RPS6KA3: variants seen among roughly 807,000 people sequenced by gnomAD.
RPS6KA3 encodes ribosomal protein S6 kinase A3, also known as ribosomal protein S6 kinase alpha-3.
A neutral mutation model predicts 67.2 loss-of-function variants in RPS6KA3; 4 were observed. That is an observed-to-expected ratio of 0.06 (90% CI 0.03 to 0.14). The LOEUF is 0.14. Ranked by LOEUF, RPS6KA3 falls within the 10% of genes least tolerant of loss-of-function variation. RPS6KA3 has a pLI of 1.00. For synonymous variants in RPS6KA3, 182 were observed against 183.7 expected, an observed-to-expected ratio of 0.99 and a Z score of 0.07; for missense variants, 204 against 559.0, an observed-to-expected ratio of 0.36 and a Z score of 6.40.
intron 1 of RPS6KA3, among the ~76,000 whole-genome samples, chrX:20,237,345 A>AC (rs2069438105): frequency 9.0e-6 from 1 of 111,707 alleles, no homozygotes; most frequent in Non-Finnish European, 1.9e-5. Flanking sequence ...TAGAACCCTC[A>AC]GTCTAACTTG....
At position 20,217,139 on chromosome X, in the gene RPS6KA3, A is replaced by G. The variant is rs183066433; in HGVS notation, c.127-7735T>C. On this transcript the variant is annotated intron_variant, in intron 2 of 21. Transcript: ENST00000379565. ...GAAGAGAAAATTTATGGGCAGGTGG[A>G]TCTTTTGGTGTCCCTCAGTCACACA... 6.3e-5 allele frequency among the ~76,000 whole-genome samples: 7 copies of G among 111,881 alleles called. No individual in the cohort carries two copies. In the East Asian group the frequency reaches 2.0e-3, roughly 32 times the overall value.
At position 20,154,401 on chromosome X, in the gene RPS6KA3, T is replaced by C. The variant is rs2067150638; in HGVS notation, c.*997A>G. ...CATGAAATATCCAATAGGACTTCAA[T>C]TACCTGTTGCTAAATTTTCCTTCAC... On this transcript the variant is annotated 3_prime_UTR_variant, in exon 22 of 22. Coordinates refer to ENST00000379565, the MANE Select transcript of RPS6KA3 (RefSeq NM_004586.3). The C allele has an allele frequency of 8.9e-6, 1 of 112,537 alleles. No individual in the cohort carries two copies. The highest frequency in any genetic ancestry group is 3.2e-5 in the African/African-American group (1 of 30,992). 9.3% of individuals were successfully genotyped at this position (112,537 alleles called of 1,213,427 possible).
At chrX:20,160,037 T>G (rs1270927343) in intron 20 of RPS6KA3, among the ~76,000 whole-genome samples, 3 of 112,148 alleles carry the variant, frequency 2.7e-5, no homozygotes, top group Non-Finnish European at 5.6e-5. Context: ...ACCACCTATC[T>G]GCATGTGCTG....
At chrX:20,173,252 G>A (rs1462902441) in intron 14 of RPS6KA3, among the ~76,000 whole-genome samples, 4 of 111,797 alleles carry the variant, frequency 3.6e-5, no homozygotes, top group African/African-American at 9.8e-5. Flanking sequence ...AGAAGGAAAG[G>A]ATTTAGGAGG....
In RPS6KA3 at chrX:20,188,537, G is replaced by GA. The variant is rs755566588; in HGVS notation, c.594-4dup. On this transcript the variant is annotated splice_region_variant and splice_polypyrimidine_tract_variant and intron_variant, in intron 7 of 21. Coordinates refer to ENST00000379565, the MANE Select transcript of RPS6KA3 (RefSeq NM_004586.3). ...GACCTTCTTCATCAAGAAGTATACT[G>GA]AAAAAAACAAAGAAAATCTTTTAAG... 1.8e-4 allele frequency: 171 copies of GA among 975,762 alleles called. No homozygotes were observed. The African/African-American group carries it at 2.6e-3, about 15-fold the overall frequency. The allele number at this position is 975,762 out of a possible 1,213,427, so 80.4% of individuals were successfully genotyped here. A position where few individuals can be genotyped will look rare whatever the true frequency, so the allele number is the denominator to read the frequency against.
intron 1 of RPS6KA3, among the ~76,000 whole-genome samples, chrX:20,238,264 T>C (rs1047564950): frequency 1.8e-5 from 2 of 111,265 alleles, no homozygotes; most frequent in African/African-American, 6.5e-5. Flanking sequence ...ATTATCTCCC[T>C]TGTCCTAGAA....
At chrX:20,163,586 C>T (rs768103422) in intron 18 of RPS6KA3, among the ~76,000 whole-genome samples, 1 of 111,438 alleles carries the variant, frequency 9.0e-6, no homozygotes, top group East Asian at 2.8e-4. Context: ...GCCTGCAGTC[C>T]AGCACTTTGG....
intron 4 of RPS6KA3, among the ~76,000 whole-genome samples, chrX:20,197,085 C>T (rs1158721673): frequency 8.9e-6 from 1 of 112,653 alleles, no homozygotes; most frequent in African/African-American, 3.2e-5. Context: ...GGTGATCCGC[C>T]TGCCTTGGCC....
intron 2 of RPS6KA3, among the ~76,000 whole-genome samples, chrX:20,214,439 C>T (rs2068794211): frequency 8.9e-6 from 1 of 112,302 alleles, no homozygotes; most frequent in Non-Finnish European, 1.9e-5. Context: ...AATCTTGGCT[C>T]AGAACTTTGA....
chrX:20,185,018 G>A (rs946264305), intron 10 of RPS6KA3, among the ~76,000 whole-genome samples: 1 of 109,892 alleles, frequency 9.1e-6, no homozygotes, highest in African/African-American at 3.3e-5. Context: ...TGATCTTGGC[G>A]CACTGCAACC....
intron 3 of RPS6KA3, among the ~76,000 whole-genome samples, chrX:20,204,836 G>A (rs1324178927): frequency 1.8e-5 from 2 of 111,283 alleles, no homozygotes; most frequent in Non-Finnish European, 3.8e-5. Context: ...GGAGGTGGAG[G>A]TTGCAGTGAG....
intron 1 of RPS6KA3, among the ~76,000 whole-genome samples, chrX:20,243,492 G>GT (rs1349814248): frequency 9.0e-6 from 1 of 110,639 alleles, no homozygotes; most frequent in African/African-American, 3.3e-5. Flanking sequence ...CTACTCTTTT[G>GT]TTTTTTGTTT....
chrX:20,187,321 C>A (rs181072777), intron 9 of RPS6KA3, among the ~76,000 whole-genome samples: 2 of 111,251 alleles, frequency 1.8e-5, no homozygotes, highest in African/African-American at 6.5e-5. Context: ...CAGGTTCTAG[C>A]GATTCTCCAG....
At position 20,251,887 on chromosome X, in the gene RPS6KA3, T is replaced by C. The variant is rs192963017; in HGVS notation, c.69+14677A>G. Among the ~76,000 whole-genome samples, 276 of 112,204 alleles carry C rather than the reference T, an allele frequency of 2.5e-3. 2 individuals carry two copies. Among genetic ancestry groups the C allele is most frequent in the African/African-American group, 8.4e-3 (259 of 30,915 alleles). On this transcript the variant is annotated intron_variant, in intron 1 of 21. Coordinates refer to ENST00000379565, the MANE Select transcript of RPS6KA3 (RefSeq NM_004586.3). ...TGTAAGATTATGTCTTTTGCAAAAT[T>C]TGGGGAAATTTCAGCCATTATTTCT...
intron 18 of RPS6KA3, 143 bp from the exon 19 acceptor site, chrX:20,163,183 A>G: frequency 2.1e-6 from 1 of 472,682 alleles, no homozygotes; most frequent in Non-Finnish European, 3.8e-6. Context: ...GCAATACGTT[A>G]ATCCGATTCT....
Position 20,239,346 on chromosome X carries a change from G to A in RPS6KA3, c.70-4532C>T, listed in dbSNP as rs1361433714. On this transcript the variant is annotated intron_variant, in intron 1 of 21. Transcript: ENST00000379565. ...AGATGTAATGCAATGAAGAAGTATC[G>A]GAGAGTGTTGAAACACCTGTTCCAT... 3.6e-5 allele frequency among the ~76,000 whole-genome samples: 4 copies of A among 111,563 alleles called. No individual in the cohort carries two copies. The East Asian group carries it at 8.4e-4, about 23-fold the overall frequency.
intron 1 of RPS6KA3, among the ~76,000 whole-genome samples, chrX:20,244,611 C>G: frequency 8.9e-6 from 1 of 112,084 alleles, no homozygotes; most frequent in Non-Finnish European, 1.9e-5. Flanking sequence ...TGTACAAGAT[C>G]ATAGAGCTAT....
chrX:20,202,541 T>C (rs1254450508), intron 4 of RPS6KA3, among the ~76,000 whole-genome samples: 1 of 111,554 alleles, frequency 9.0e-6, no homozygotes, highest in Non-Finnish European at 1.9e-5. Context: ...GATTCGGAAA[T>C]AAAATTCTGA....
chrX:20,211,092 A>G (rs886677949), intron 2 of RPS6KA3, among the ~76,000 whole-genome samples: 2 of 111,035 alleles, frequency 1.8e-5, no homozygotes, highest in Non-Finnish European at 3.8e-5. Context: ...AGCACCTACT[A>G]CATATCAACC....
Sources: gnomAD v4.1 joint callset for allele counts (sites outside exome capture counted in the v4.1 genomes callset) on GRCh38, gnomAD v4.1.1 for gene constraint, MANE v1.5 for transcripts, NCBI Gene and HGNC (gene_info 2026-07-23, HGNC 2026-07-21) for gene names.